ZNF438: variants seen among roughly 807,000 people sequenced by gnomAD.
ZNF438 encodes zinc finger protein 438.
In ZNF438, 25 loss-of-function variants were observed where a neutral mutation model predicts 38.0. The ratio of observed to expected loss-of-function variants is 0.66; its 90% CI spans 0.48 to 0.92. ZNF438 has a LOEUF of 0.92. ZNF438 is among the 40% of genes least tolerant of loss of function. The pLI, the probability that ZNF438 is intolerant of heterozygous loss-of-function variation, is 0.00. For synonymous variants in ZNF438, 372 were observed against 364.1 expected (o/e 1.02, Z -0.25); for missense variants, 1,007 against 999.6 (o/e 1.01, Z -0.10).
intron 1 of ZNF438, among the ~76,000 whole-genome samples, chr10:31,024,759 T>C (rs575014252): frequency 6.6e-6 from 1 of 152,374 alleles, no homozygotes; most frequent in South Asian, 2.1e-4. Flanking sequence ...ATGCATGCCC[T>C]ACACATTTTA....
At chr10:31,000,055 T>G (rs776974770) in intron 1 of ZNF438, among the ~76,000 whole-genome samples, 43 of 152,234 alleles carry the variant, frequency 2.8e-4, no homozygotes, top group Non-Finnish European at 5.6e-4. Context: ...TCTCATGACT[T>G]TTATGTCGGC....
intron 1 of ZNF438, among the ~76,000 whole-genome samples, chr10:30,980,002 A>T (rs373809282): frequency 6.6e-6 from 1 of 152,334 alleles, no homozygotes; most frequent in East Asian, 1.9e-4. Flanking sequence ...CACTGGTACT[A>T]GGCTAAACTG....
intron 3 of ZNF438, among the ~76,000 whole-genome samples, chr10:30,893,531 T>C (rs1422946905): frequency 6.6e-6 from 1 of 152,230 alleles, no homozygotes; most frequent in Non-Finnish European, 1.5e-5. Flanking sequence ...AGAGAAAACA[T>C]TGTTACATAT....
At chr10:31,011,583 G>A (rs2055707465) in intron 1 of ZNF438, among the ~76,000 whole-genome samples, 2 of 152,208 alleles carry the variant, frequency 1.3e-5, no homozygotes, top group South Asian at 2.1e-4. Flanking sequence ...CCAAGGGTCA[G>A]GGTCAGGCCT....
chr10:30,883,453 T>C (rs184128221), intron 3 of ZNF438, among the ~76,000 whole-genome samples: 98 of 152,312 alleles, frequency 6.4e-4, no homozygotes, highest in African/African-American at 2.2e-3. Context: ...AGGGTGCTAT[T>C]TAAAATACAC....
At chr10:30,965,701 A>G (rs1470918458) in intron 1 of ZNF438, among the ~76,000 whole-genome samples, 1 of 152,180 alleles carries the variant, frequency 6.6e-6, no homozygotes, top group Non-Finnish European at 1.5e-5. Flanking sequence ...GTGGGAGTGA[A>G]ACATTACGTA....
chr10:30,871,772 TAGAC>T (rs1197413568), intron 4 of ZNF438, among the ~76,000 whole-genome samples: 1 of 152,180 alleles, frequency 6.6e-6, no homozygotes, highest in African/African-American at 2.4e-5. Context: ...ATTCACATGA[TAGAC>T]AGTAATGGCT....
intron 3 of ZNF438, among the ~76,000 whole-genome samples, chr10:30,903,272 C>T (rs1230518140): frequency 6.6e-6 from 1 of 152,202 alleles, no homozygotes; most frequent in Non-Finnish European, 1.5e-5. Flanking sequence ...CTGAAGGACT[C>T]CTCAAGCACG....
At chr10:30,909,345 A>G (rs988816350) in intron 2 of ZNF438, among the ~76,000 whole-genome samples, 2 of 152,186 alleles carry the variant, frequency 1.3e-5, no homozygotes, top group African/African-American at 4.8e-5. Context: ...CATATTCTCC[A>G]TAAGCTTCTA....
chr10:31,021,579 GT>G (rs1170700976), intron 1 of ZNF438, among the ~76,000 whole-genome samples: 4 of 126,890 alleles, frequency 3.2e-5, no homozygotes, highest in East Asian at 1.9e-4. Context: ...TTCTCACTTT[GT>G]TTTTTTTCTT....
intron 3 of ZNF438, among the ~76,000 whole-genome samples, chr10:30,898,098 G>A (rs1388507775): frequency 6.6e-6 from 1 of 152,126 alleles, no homozygotes; most frequent in Non-Finnish European, 1.5e-5. Flanking sequence ...TTTAGTCTAA[G>A]TAAAGGCATA....
At chr10:30,880,362 C>A (rs1459039628) in intron 3 of ZNF438, among the ~76,000 whole-genome samples, 1 of 144,550 alleles carries the variant, frequency 6.9e-6, no homozygotes, top group Non-Finnish European at 1.5e-5. Context: ...ACCCAGGAGG[C>A]GGAGGCTGCA....
At chr10:31,029,009 A>C (rs919024930) in intron 1 of ZNF438, among the ~76,000 whole-genome samples, 11 of 152,320 alleles carry the variant, frequency 7.2e-5, no homozygotes, top group African/African-American at 2.6e-4. Context: ...ATAAATGGGT[A>C]TCTCCAACCC....
intron 1 of ZNF438, among the ~76,000 whole-genome samples, chr10:31,003,846 C>T (rs2054882021): frequency 6.6e-6 from 1 of 152,138 alleles, no homozygotes. Flanking sequence ...AAATAAAAGC[C>T]TCCAATGGCT....
chr10:30,919,132 T>C (rs2043992422), intron 2 of ZNF438: 1 of 152,228 alleles, frequency 6.6e-6, no homozygotes. Context: ...TTGTCCACTT[T>C]ACTGTGGCTC....
At chr10:31,014,998 C>A (rs117623225) in intron 1 of ZNF438, among the ~76,000 whole-genome samples, 12,294 of 152,144 alleles carry the variant, frequency 0.081, 603 homozygotes, top group Non-Finnish European at 0.11. Flanking sequence ...GCAGAGACTA[C>A]AGGCATATGC....
At chr10:31,025,879 C>A (rs936229243) in intron 1 of ZNF438, among the ~76,000 whole-genome samples, 1 of 152,032 alleles carries the variant, frequency 6.6e-6, no homozygotes, top group Non-Finnish European at 1.5e-5. Context: ...GTGTAAAGTA[C>A]ACAAACAAGC....
intron 3 of ZNF438, among the ~76,000 whole-genome samples, chr10:30,878,430 T>TC (rs2038767932): frequency 6.6e-6 from 1 of 151,816 alleles, no homozygotes; most frequent in South Asian, 2.1e-4. Flanking sequence ...GACCATCCCA[T>TC]CCCCCTTTCC....
chr10:30,849,148 G>C, exon 5 of ZNF438: 1 of 1,613,654 alleles, frequency 6.2e-7, no homozygotes, highest in Non-Finnish European at 8.5e-7. Context: ...TGAATTCTTG[G>C]GGATCATTTT....
Sources: gnomAD v4.1 joint callset for allele counts (sites outside exome capture counted in the v4.1 genomes callset) on GRCh38, gnomAD v4.1.1 for gene constraint, MANE v1.5 for transcripts, NCBI Gene and HGNC (gene_info 2026-07-23, HGNC 2026-07-21) for gene names.